MPP7: variants seen among roughly 807,000 people sequenced by gnomAD.
MPP7 encodes the protein MAGUK p55 subfamily member 7.
MPP7 carries 60 observed loss-of-function variants against 76.5 expected under a neutral mutation model. The observed-to-expected ratio is 0.78, with a 90% CI of 0.64 to 0.97. The LOEUF (loss-of-function observed/expected upper bound fraction) is 0.97. MPP7 is among the 50% of genes least tolerant of loss of function. MPP7 has a pLI of 0.00. For synonymous variants in MPP7, 237 were observed against 244.5 expected (o/e 0.97, Z 0.29); for missense variants, 641 against 694.0 (o/e 0.92, Z 0.86).
At chr10:28,334,385 T>C (rs1350605680) in intron 1 of MPP7, 1 of 152,144 alleles carries the variant, frequency 6.6e-6, no homozygotes, top group Non-Finnish European at 1.5e-5. Context: ...GAGAACATGA[T>C]AGTTGACTCC....
At chr10:28,329,298 T>C (rs977980612) in intron 2 of MPP7, among the ~76,000 whole-genome samples, 2 of 152,190 alleles carry the variant, frequency 1.3e-5, no homozygotes, top group African/African-American at 4.8e-5. Flanking sequence ...CTTGATATTT[T>C]CATTTTCTAT....
intron 1 of MPP7, among the ~76,000 whole-genome samples, chr10:28,300,930 A>AGAGT (rs74720593): frequency 0.089 from 13,451 of 151,044 alleles, 648 homozygotes; most frequent in African/African-American, 0.1. Context: ...CCTGGACAAC[A>AGAGT]GAGTGAGACT....
At chr10:28,227,329 C>T (rs1838726429) in intron 2 of MPP7, among the ~76,000 whole-genome samples, 1 of 152,132 alleles carries the variant, frequency 6.6e-6, no homozygotes, top group Non-Finnish European at 1.5e-5. Context: ...TTTTCAGTTC[C>T]AGGATACATG....
intron 1 of MPP7, among the ~76,000 whole-genome samples, chr10:28,260,882 G>A (rs1839930272): frequency 1.3e-5 from 2 of 151,866 alleles, no homozygotes; most frequent in Non-Finnish European, 1.5e-5. Context: ...TCAACTCAGT[G>A]TGAGTTGATT....
chr10:28,315,821 A>G (rs1488347102), intron 2 of MPP7, among the ~76,000 whole-genome samples: 1 of 152,170 alleles, frequency 6.6e-6, no homozygotes, highest in East Asian at 1.9e-4. Flanking sequence ...TTACAGTGGA[A>G]AAACCTGACC....
chr10:28,220,651 C>T (rs1030870611), intron 2 of MPP7, among the ~76,000 whole-genome samples: 11 of 152,150 alleles, frequency 7.2e-5, no homozygotes, highest in African/African-American at 2.7e-4. Context: ...TCAGTAGGTG[C>T]TAACCTTGAT....
intron 12 of MPP7, among the ~76,000 whole-genome samples, chr10:28,084,693 G>C (rs1852920662): frequency 6.6e-6 from 1 of 152,192 alleles, no homozygotes; most frequent in Non-Finnish European, 1.5e-5. Context: ...GAAGGCAGTA[G>C]ACAGATTATG....
intron 1 of MPP7, among the ~76,000 whole-genome samples, chr10:28,289,642 G>A (rs148232661): frequency 7.8e-4 from 118 of 152,248 alleles, no homozygotes; most frequent in African/African-American, 2.1e-3. Flanking sequence ...TTGAATCTGC[G>A]TGAAACGGCA....
chr10:28,098,537 TA>T (rs1853673140), intron 11 of MPP7, among the ~76,000 whole-genome samples: 1 of 151,592 alleles, frequency 6.6e-6, no homozygotes, highest in Non-Finnish European at 1.5e-5. Context: ...TATAATTATA[TA>T]AAATTACATA....
At chr10:28,311,038 T>C (rs538502683) in intron 2 of MPP7, among the ~76,000 whole-genome samples, 1 of 152,340 alleles carries the variant, frequency 6.6e-6, no homozygotes, top group Admixed American at 6.5e-5. Flanking sequence ...GGATCCCCAG[T>C]GGCTTACAGG....
At chr10:28,312,011 C>A (rs928521666) in intron 2 of MPP7, among the ~76,000 whole-genome samples, 1 of 152,058 alleles carries the variant, frequency 6.6e-6, no homozygotes, top group African/African-American at 2.4e-5. Flanking sequence ...AGCAGGTTTA[C>A]GGTCTGGCTG....
intron 2 of MPP7, among the ~76,000 whole-genome samples, chr10:28,219,299 T>A (rs1286128880): frequency 2.6e-5 from 4 of 152,166 alleles, no homozygotes; most frequent in Non-Finnish European, 4.4e-5. Flanking sequence ...TCCAGAAAAC[T>A]GCTTCTGTAA....
rs56923979 is a variant in MPP7, at chr10:28,062,531, AACACACACAC to A, written c.1205-2798_1205-2789del. The stretch of plus-strand genomic sequence containing the variant: ...AAATTCAATCATTTCCATAATAGTA[AACACACACAC>A]ACACACACACACACACACACACACA... On this transcript the variant is annotated intron_variant, in intron 13 of 16. Transcript: ENST00000683449. 9.0e-3 allele frequency among the ~76,000 whole-genome samples: 1,186 copies of A among 132,372 alleles called. 13 individuals are homozygous for A. Among genetic ancestry groups the A allele is most frequent in the African/African-American group, 0.025 (890 of 36,084 alleles). 86.8% of individuals were successfully genotyped at this position (132,372 alleles called of 152,430 possible). A position where few individuals can be genotyped will look rare whatever the true frequency, so the allele number is the denominator to read the frequency against.
intron 1 of MPP7, among the ~76,000 whole-genome samples, chr10:28,301,762 G>A (rs1270223531): frequency 6.6e-6 from 1 of 152,098 alleles, no homozygotes; most frequent in Non-Finnish European, 1.5e-5. Context: ...TGAGCTTCAC[G>A]ATTAAATGGA....
At chr10:28,212,648 C>T (rs1235049561) in intron 2 of MPP7, among the ~76,000 whole-genome samples, 1 of 152,112 alleles carries the variant, frequency 6.6e-6, no homozygotes, top group Non-Finnish European at 1.5e-5. Context: ...GGGGACTGCG[C>T]CCTGAAGTCT....
In MPP7 at chr10:28,111,054, T is replaced by C. The variant is rs148580557; in HGVS notation, c.952+8597A>G. ...GTTATATTCAATTTAATCCTACATATATGTGCACTAAATAAAATGACTAGA... is the reference window on the plus strand; with the variant it reads ...GTTATATTCAATTTAATCCTACATACATGTGCACTAAATAAAATGACTAGA... On this transcript the variant is annotated intron_variant, in intron 11 of 16. Coordinates refer to ENST00000683449, the MANE Select transcript of MPP7 (RefSeq NM_001318170.2). Among the ~76,000 whole-genome samples, 33 of 152,290 alleles carry C rather than the reference T, an allele frequency of 2.2e-4. No individual in the cohort carries two copies. In the East Asian group the frequency reaches 6.4e-3, roughly 29 times the overall value.
At chr10:28,138,673 A>G (rs1229990966) in intron 5 of MPP7, among the ~76,000 whole-genome samples, 1 of 152,232 alleles carries the variant, frequency 6.6e-6, no homozygotes, top group Non-Finnish European at 1.5e-5. Context: ...AACAGGTTAT[A>G]CAAGAAAAGT....
At chr10:28,225,957 G>A (rs989842262) in intron 2 of MPP7, among the ~76,000 whole-genome samples, 2 of 152,194 alleles carry the variant, frequency 1.3e-5, no homozygotes, top group East Asian at 3.9e-4. Context: ...GCAGCATTAC[G>A]CACAATAGCT....
intron 1 of MPP7, among the ~76,000 whole-genome samples, chr10:28,264,245 T>G (rs1840075775): frequency 6.6e-6 from 1 of 152,126 alleles, no homozygotes; most frequent in South Asian, 2.1e-4. Context: ...GAGCTACGAT[T>G]GCACCACTGC....
Sources: gnomAD v4.1 joint callset for allele counts (sites outside exome capture counted in the v4.1 genomes callset) on GRCh38, gnomAD v4.1.1 for gene constraint, MANE v1.5 for transcripts, NCBI Gene and HGNC (gene_info 2026-07-23, HGNC 2026-07-21) for gene names.